The following PTPN3 variants were observed in gnomAD, a reference collection of about 807,000 sequenced individuals.
PTPN3 encodes tyrosine-protein phosphatase non-receptor type 3.
In PTPN3, 96 loss-of-function variants were observed where a neutral mutation model predicts 132.7. The ratio of observed to expected loss-of-function variants is 0.72; its 90% CI spans 0.61 to 0.86. PTPN3 has a LOEUF of 0.86. PTPN3 is among the 40% of genes least tolerant of loss of function. The probability of loss-of-function intolerance (pLI) is 0.00; values close to 1 mark genes in which losing one functional copy is unlikely to be tolerated. For synonymous variants in PTPN3, 398 were observed against 429.0 expected (o/e 0.93, Z 0.89); for missense variants, 1,125 against 1,159.6 (o/e 0.97, Z 0.43).
At chr9:109,431,058 T>G (rs958631139) in intron 10 of PTPN3, among the ~76,000 whole-genome samples, 3 of 152,218 alleles carry the variant, frequency 2.0e-5, no homozygotes, top group Non-Finnish European at 4.4e-5. Context: ...GGGGTCACCA[T>G]CTGGTGCTGG....
chr9:109,430,629 C>T (rs1843596195), intron 10 of PTPN3, among the ~76,000 whole-genome samples: 1 of 152,170 alleles, frequency 6.6e-6, no homozygotes, highest in South Asian at 2.1e-4. Flanking sequence ...GGAGCCACTG[C>T]CATCCAGAGG....
At chr9:109,506,617 T>A in the PTPN3 span, among the ~76,000 whole-genome samples, 1 of 150,844 alleles carries the variant, frequency 6.6e-6, no homozygotes, top group Non-Finnish European at 1.5e-5. Flanking sequence ...CTTTTTTTTT[T>A]TTTGCGACAG....
chr9:109,525,591 T>C, the PTPN3 span, among the ~76,000 whole-genome samples: 7 of 152,168 alleles, frequency 4.6e-5, no homozygotes, highest in African/African-American at 1.2e-4. Context: ...GCAACCAGGA[T>C]TGGGAAACAA....
chr9:109,413,925 G>A (rs1053183372), intron 14 of PTPN3, among the ~76,000 whole-genome samples: 7 of 152,062 alleles, frequency 4.6e-5, no homozygotes, highest in Admixed American at 2.0e-4. Context: ...AGACCTCCCC[G>A]CCCCGCCGCC....
At chr9:109,414,054 G>A (rs1036531836) in intron 14 of PTPN3, among the ~76,000 whole-genome samples, 1 of 152,118 alleles carries the variant, frequency 6.6e-6, no homozygotes. Context: ...CCTAGTACTC[G>A]GAACACAGGA....
the PTPN3 span, among the ~76,000 whole-genome samples, chr9:109,514,547 G>T: frequency 6.6e-6 from 1 of 152,196 alleles, no homozygotes; most frequent in Non-Finnish European, 1.5e-5. Flanking sequence ...CCTTGACTTT[G>T]TGGAGCTTAT....
Position 109,457,239 on chromosome 9 carries a change from T to C in PTPN3, c.247-24A>G, listed in dbSNP as rs756311614. 8.1e-6 allele frequency: 13 copies of C among 1,613,526 alleles called. No individual in the cohort carries two copies. In the Middle Eastern group the frequency reaches 6.6e-4, roughly 82 times the overall value. The stretch of plus-strand genomic sequence containing the variant: ...CTCTGTTGGACAAGAAAACATAAAA[T>C]ATAAAAGCAAACCGTGAAGGAGTTC... On this transcript the variant is annotated intron_variant, in intron 3 of 25. Coordinates refer to ENST00000374541, the MANE Select transcript of PTPN3 (RefSeq NM_002829.4).
chr9:109,390,271 CTT>C (rs1839949897), intron 21 of PTPN3, among the ~76,000 whole-genome samples: 1 of 152,214 alleles, frequency 6.6e-6, no homozygotes. Context: ...TTTCTTGACA[CTT>C]TGCTATAACT....
At chr9:109,535,954 C>G in the PTPN3 span, among the ~76,000 whole-genome samples, 1 of 152,184 alleles carries the variant, frequency 6.6e-6, no homozygotes, top group Non-Finnish European at 1.5e-5. Context: ...ACCGTCACTA[C>G]TGTCTAGTTG....
the PTPN3 span, among the ~76,000 whole-genome samples, chr9:109,509,081 A>C: frequency 6.6e-6 from 1 of 152,186 alleles, no homozygotes; most frequent in Non-Finnish European, 1.5e-5. Context: ...TTTGTTGTCC[A>C]CCTGTATTGC....
the PTPN3 span, chr9:109,533,952 C>CTT: frequency 1.3e-6 from 1 of 757,158 alleles, no homozygotes; most frequent in Non-Finnish European, 2.4e-6. Flanking sequence ...CCACCAGGAC[C>CTT]TATAACATGT....
intron 1 of PTPN3, among the ~76,000 whole-genome samples, chr9:109,464,894 GA>G (rs1846019915): frequency 6.6e-6 from 1 of 152,210 alleles, no homozygotes; most frequent in African/African-American, 2.4e-5. Flanking sequence ...GCTGATAGAA[GA>G]AAGGATAATG....
At position 109,438,956 on chromosome 9, in the gene PTPN3, A is replaced by G. The variant is rs1220869685; in HGVS notation, c.467-722T>C. On this transcript the variant is annotated intron_variant, in intron 7 of 25. Transcript: ENST00000374541. ...CAGGGGAATCACATTAGGGACCTGC[A>G]GGTGCAGAGGGAAAAGGAAGGGTGA... Among the ~76,000 whole-genome samples the G allele has an allele frequency of 5.3e-5, 8 of 152,356 alleles. No homozygotes were observed. The East Asian group carries it at 1.2e-3, about 22-fold the overall frequency.
At chr9:109,477,679 G>GA (rs1420502187) in intron 1 of PTPN3, among the ~76,000 whole-genome samples, 1 of 152,244 alleles carries the variant, frequency 6.6e-6, no homozygotes, top group Non-Finnish European at 1.5e-5. Flanking sequence ...CGGGAGGGCA[G>GA]AAACAGGCCA....
chr9:109,426,545 T>G (rs1843294512), intron 12 of PTPN3, among the ~76,000 whole-genome samples: 2 of 152,230 alleles, frequency 1.3e-5, no homozygotes, highest in South Asian at 4.1e-4. Context: ...TGTTTTTCTA[T>G]TCCTTCATTC....
In PTPN3 at chr9:109,413,966, T is replaced by C. The variant is rs1842280919; in HGVS notation, c.1314-3551A>G. On this transcript the variant is annotated intron_variant, in intron 14 of 25. Transcript: ENST00000374541. ...AAGGAGGCAAAGTCCTGCTCTCAAATTGTGGTGTGATGGAACAGGGGCCCT... is the reference window on the plus strand; with the variant it reads ...AAGGAGGCAAAGTCCTGCTCTCAAACTGTGGTGTGATGGAACAGGGGCCCT... Among the ~76,000 whole-genome samples, 2 of 152,066 alleles carry C rather than the reference T, an allele frequency of 1.3e-5. 1 individual carries two copies. The highest frequency in any genetic ancestry group is 4.2e-4 in the South Asian group (2 of 4,814).
chr9:109,445,275 T>C lies in PTPN3; in HGVS notation c.431A>G (p.Asn144Ser). 2 of 1,613,708 alleles carry C rather than the reference T, an allele frequency of 1.2e-6. No individual in the cohort carries two copies. The highest frequency in any genetic ancestry group is 1.7e-6 in the Non-Finnish European group (2 of 1,179,684). Residue 144 changes from asparagine to serine, a missense_variant, in exon 7 of 26, where the codon AAC becomes AGC. By Grantham distance (46) the Asn-to-Ser change is conservative. Transcript: ENST00000374541. ...ATAGGACGCTAGAACCACTGCTGAG[T>C]TAAGAGGGCAGGTTAACCTGTCAGG... ...ICEGRLTCPLNSAVVLASYAV... is the reference protein window; with the variant it reads ...ICEGRLTCPLSSAVVLASYAV...
Position 109,406,466 on chromosome 9 carries a change from C to T in PTPN3, c.1788G>A (p.Arg596=), listed in dbSNP as rs927585854. The part of the protein sequence containing the change: ...HSRELALVIR[R]RAVRSFADFK... Reference sequence around the variant, plus strand: ...CTCCCCCCAGGTGGCCATTACCTCTCCTCCTGATCACCAGGGCCAGCTCCC... The same window carrying T: ...CTCCCCCCAGGTGGCCATTACCTCTTCTCCTGATCACCAGGGCCAGCTCCC... The change falls in exon 18 of 26, where the codon AGG becomes AGA. Residue 596 remains arginine, a synonymous_variant. Transcript: ENST00000374541. The T allele has an allele frequency of 6.2e-7, 1 of 1,614,008 alleles. No homozygotes were observed. The highest frequency in any genetic ancestry group is 2.2e-5 in the East Asian group (1 of 44,880).
chr9:109,491,999 G>C (rs548287342), intron 1 of PTPN3, among the ~76,000 whole-genome samples: 24 of 152,346 alleles, frequency 1.6e-4, no homozygotes, highest in African/African-American at 4.8e-4. Flanking sequence ...AGTGCTGACA[G>C]TGGACCAGCT....
Sources: gnomAD v4.1 joint callset for allele counts (sites outside exome capture counted in the v4.1 genomes callset) on GRCh38, gnomAD v4.1.1 for gene constraint, MANE v1.5 for transcripts, NCBI Gene and HGNC (gene_info 2026-07-23, HGNC 2026-07-21) for gene names.